Variants in AGBL4 observed in about 807,000 individuals in gnomAD.
The protein encoded by AGBL4 is AGBL carboxypeptidase 4, also known as cytosolic carboxypeptidase 6.
Under a neutral mutation model 66.4 loss-of-function variants are expected in AGBL4, and 58 were observed. The observed-to-expected ratio is 0.87, with a 90% CI of 0.71 to 1.09. The LOEUF (loss-of-function observed/expected upper bound fraction) is 1.09. Ranked by LOEUF, AGBL4 falls within the 50% of genes least tolerant of loss-of-function variation. The pLI, the probability that AGBL4 is intolerant of heterozygous loss-of-function variation, is 0.00. For missense variants in AGBL4, 579 were observed against 631.0 expected, an observed-to-expected ratio of 0.92 and a Z score of 0.88; for synonymous variants, 234 against 222.9, an observed-to-expected ratio of 1.05 and a Z score of -0.44.
At chr1:48,877,649 G>A (rs72891887) in intron 5 of AGBL4, among the ~76,000 whole-genome samples, 1,769 of 152,214 alleles carry the variant, frequency 0.012, 29 homozygotes, top group African/African-American at 0.04. Flanking sequence ...CTAGGTGCAA[G>A]GTCATGACTC....
Position 48,732,295 on chromosome 1 carries a change from C to T in AGBL4, c.635-69054G>A, listed in dbSNP as rs116756759. 2.8e-3 allele frequency among the ~76,000 whole-genome samples: 424 copies of T among 152,170 alleles called. 2 individuals carry two copies. Among genetic ancestry groups the T allele is most frequent in the African/African-American group, 9.6e-3 (399 of 41,510 alleles). On this transcript the variant is annotated intron_variant, in intron 6 of 13. Coordinates refer to ENST00000371839, the MANE Select transcript of AGBL4 (RefSeq NM_032785.4). Reference sequence around the variant, plus strand: ...ATGTGGGCATCTGTGAAGAGATAACCAGTGGGCACTTTGATCATAGATCAA... The same window carrying T: ...ATGTGGGCATCTGTGAAGAGATAACTAGTGGGCACTTTGATCATAGATCAA...
intron 1 of AGBL4, among the ~76,000 whole-genome samples, chr1:49,915,129 C>G (rs1049719069): frequency 1.3e-5 from 2 of 152,126 alleles, no homozygotes; most frequent in Non-Finnish European, 2.9e-5. Context: ...CAAACAGGAA[C>G]AGCTCCAGCC....
intron 3 of AGBL4, among the ~76,000 whole-genome samples, chr1:49,669,064 A>T (rs1472456326): frequency 6.6e-6 from 1 of 152,214 alleles, no homozygotes; most frequent in Non-Finnish European, 1.5e-5. Flanking sequence ...CTAATGGAAG[A>T]GACACATATG....
At chr1:49,602,378 T>C (rs1006773020) in intron 3 of AGBL4, among the ~76,000 whole-genome samples, 3 of 152,082 alleles carry the variant, frequency 2.0e-5, no homozygotes, top group Non-Finnish European at 2.9e-5. Flanking sequence ...CATTCTACTA[T>C]AAAGATACAT....
intron 4 of AGBL4, among the ~76,000 whole-genome samples, chr1:49,102,097 C>A (rs1003931548): frequency 1.3e-5 from 2 of 152,016 alleles, no homozygotes; most frequent in African/African-American, 4.8e-5. Flanking sequence ...GCAGCAGATA[C>A]CCTTAGACGG....
At chr1:49,495,406 T>C (rs373571284) in intron 3 of AGBL4, among the ~76,000 whole-genome samples, 2 of 152,152 alleles carry the variant, frequency 1.3e-5, no homozygotes, top group African/African-American at 4.8e-5. Context: ...TAGCATATTG[T>C]ATGTGTGGCC....
intron 3 of AGBL4, among the ~76,000 whole-genome samples, chr1:49,352,095 C>T (rs1443789622): frequency 6.6e-6 from 1 of 152,188 alleles, no homozygotes; most frequent in Non-Finnish European, 1.5e-5. Flanking sequence ...ACTGACAAAC[C>T]TTTAATCCTT....
intron 3 of AGBL4, among the ~76,000 whole-genome samples, chr1:49,688,097 A>C (rs890470031): frequency 1.4e-4 from 21 of 152,220 alleles, no homozygotes; most frequent in Non-Finnish European, 2.4e-4. Context: ...TAGTTGTTTT[A>C]AATGTACAAT....
At chr1:49,783,851 A>T (rs1278641906) in intron 2 of AGBL4, among the ~76,000 whole-genome samples, 1 of 152,202 alleles carries the variant, frequency 6.6e-6, no homozygotes. Context: ...GTATTTCTAT[A>T]CACTAGAATG....
chr1:48,926,925 C>A (rs1375236610), intron 5 of AGBL4, among the ~76,000 whole-genome samples: 1 of 152,166 alleles, frequency 6.6e-6, no homozygotes, highest in East Asian at 1.9e-4. Flanking sequence ...GGTATTAATA[C>A]TGCAGAGATG....
At chr1:48,779,533 T>A (rs4926755) in intron 6 of AGBL4, among the ~76,000 whole-genome samples, 105,233 of 151,932 alleles carry the variant, frequency 0.69, 37,060 homozygotes, top group African/African-American at 0.76. Flanking sequence ...CTTCCCTCAC[T>A]AGAATAAGAG....
At chr1:49,915,644 C>T (rs192714414) in intron 1 of AGBL4, among the ~76,000 whole-genome samples, 41 of 152,294 alleles carry the variant, frequency 2.7e-4, no homozygotes, top group Admixed American at 5.2e-4. Flanking sequence ...CCTTTGTAGA[C>T]GCCACCTCTT....
At chr1:49,851,572 G>A in intron 1 of AGBL4, 54 bp from the exon 2 acceptor site, 1 of 1,524,460 alleles carries the variant, frequency 6.6e-7, no homozygotes, top group African/African-American at 1.4e-5. Context: ...TTGAAGTCTA[G>A]TCAGATTTTT....
intron 4 of AGBL4, among the ~76,000 whole-genome samples, chr1:49,078,145 A>G (rs997544239): frequency 1.3e-5 from 2 of 152,138 alleles, no homozygotes; most frequent in Non-Finnish European, 2.9e-5. Flanking sequence ...CTAACCCTGT[A>G]CTAAGGAAAG....
intron 6 of AGBL4, chr1:48,727,915 G>C: frequency 6.2e-7 from 1 of 1,605,894 alleles, no homozygotes; most frequent in Non-Finnish European, 8.5e-7. Flanking sequence ...GCTTCCCTTC[G>C]TTCTTCATTT....
intron 6 of AGBL4, among the ~76,000 whole-genome samples, chr1:48,798,867 A>G (rs1570699584): frequency 1.3e-5 from 2 of 152,098 alleles, no homozygotes; most frequent in South Asian, 2.1e-4. Flanking sequence ...TTCTGTTTCA[A>G]TAGTCTATAT....
chr1:48,599,979 T>C (rs904274058), intron 9 of AGBL4, among the ~76,000 whole-genome samples: 2 of 152,022 alleles, frequency 1.3e-5, no homozygotes, highest in Non-Finnish European at 2.9e-5. Flanking sequence ...GTTGAAAGTT[T>C]AGCTAAAAGA....
At chr1:49,655,888 C>T (rs1213258597) in intron 3 of AGBL4, among the ~76,000 whole-genome samples, 2 of 152,152 alleles carry the variant, frequency 1.3e-5, no homozygotes, top group Non-Finnish European at 2.9e-5. Context: ...GTGGCTAGTG[C>T]CTATAATCCC....
intron 1 of AGBL4, among the ~76,000 whole-genome samples, chr1:49,923,806 A>G (rs1459530907): frequency 6.6e-6 from 1 of 152,206 alleles, no homozygotes; most frequent in Non-Finnish European, 1.5e-5. Context: ...TTAAAAAGTC[A>G]TAAAAATAAC....
Sources: allele counts gnomAD v4.1 joint callset (sites outside exome capture counted in the v4.1 genomes callset), GRCh38; gene constraint gnomAD v4.1.1; transcripts MANE v1.5; gene names NCBI Gene and HGNC (gene_info 2026-07-23, HGNC 2026-07-21).